OR2C1: variants seen among roughly 807,000 people sequenced by gnomAD.
OR2C1 encodes the protein olfactory receptor family 2 subfamily C member 1.
For missense variants in OR2C1, 468 were observed against 388.3 expected (o/e 1.21, Z -1.73); for synonymous variants, 209 against 167.3 (o/e 1.25, Z -1.92).
chr16:3,355,290 G>A (rs1250666212), upstream of OR2C1, among the ~76,000 whole-genome samples: 8 of 150,688 alleles, frequency 5.3e-5, no homozygotes, highest in Non-Finnish European at 8.9e-5. Flanking sequence ...GTGAAACCCC[G>A]TCTCTACTAA....
chr16:3,330,189 C>A, the OR2C1 span, among the ~76,000 whole-genome samples: 1 of 150,670 alleles, frequency 6.6e-6, no homozygotes, highest in South Asian at 2.1e-4. Flanking sequence ...CCACTGCAAG[C>A]TCTGCCTTCC....
chr16:3,354,734 C>G (rs1042332788), upstream of OR2C1, among the ~76,000 whole-genome samples: 1 of 152,116 alleles, frequency 6.6e-6, no homozygotes, highest in African/African-American at 2.4e-5. Context: ...TGCTTCCCCC[C>G]TTCCCTGAGC....
the OR2C1 span, among the ~76,000 whole-genome samples, chr16:3,331,886 C>G: frequency 6.6e-6 from 1 of 151,478 alleles, no homozygotes; most frequent in Admixed American, 6.6e-5. Flanking sequence ...CCATGGAATA[C>G]TATGCAGCCA....
the OR2C1 span, among the ~76,000 whole-genome samples, chr16:3,334,272 G>C: frequency 6.6e-6 from 1 of 151,510 alleles, no homozygotes. Flanking sequence ...CGAGTAGCTG[G>C]GACGACAGGC....
At chr16:3,335,520 C>CTTTTTTTT in the OR2C1 span, among the ~76,000 whole-genome samples, 45 of 55,444 alleles carry the variant, frequency 8.1e-4, no homozygotes, top group Non-Finnish European at 1.0e-3. Context: ...AATGCTACTG[C>CTTTTTTTT]TTTTTTTTTT....
At chr16:3,355,418 A>G (rs1055440056), upstream of OR2C1, among the ~76,000 whole-genome samples, 4 of 128,992 alleles carry the variant, frequency 3.1e-5, no homozygotes, top group African/African-American at 1.1e-4. Flanking sequence ...AGATTGCACC[A>G]CTGCACTCCA....
chr16:3,326,316 G>C, the OR2C1 span, among the ~76,000 whole-genome samples: 1 of 151,818 alleles, frequency 6.6e-6, no homozygotes, highest in East Asian at 1.9e-4. Flanking sequence ...CTTTCTTTCG[G>C]AAGTAAATAC....
the OR2C1 span, among the ~76,000 whole-genome samples, chr16:3,346,624 C>CTTTTTT: frequency 1.3e-4 from 17 of 128,052 alleles, no homozygotes; most frequent in Admixed American, 1.7e-4. Flanking sequence ...GTCCATGCAT[C>CTTTTTT]TTTTTTTTTT....
the OR2C1 span, among the ~76,000 whole-genome samples, chr16:3,344,254 TAAAC>T: frequency 3.3e-5 from 5 of 151,182 alleles, no homozygotes; most frequent in African/African-American, 1.2e-4. Flanking sequence ...CTATTATAAA[TAAAC>T]AAGAAAAACA....
chr16:3,340,812 T>C, the OR2C1 span, among the ~76,000 whole-genome samples: 2 of 152,224 alleles, frequency 1.3e-5, no homozygotes, highest in African/African-American at 4.8e-5. Context: ...CAGTAGTTTA[T>C]GTATCTGTTC....
At chr16:3,342,044 G>C in the OR2C1 span, among the ~76,000 whole-genome samples, 3 of 152,116 alleles carry the variant, frequency 2.0e-5, no homozygotes, top group African/African-American at 2.4e-5. Context: ...AAATATACCA[G>C]ATGTCCTTTT....
At position 3,356,924 on chromosome 16, in the gene OR2C1, G is replaced by C; in HGVS notation, c.*45G>C. The C allele has an allele frequency of 1.4e-6, 2 of 1,424,292 alleles. No individual in the cohort carries two copies. The highest frequency in any genetic ancestry group is 1.9e-6 in the Non-Finnish European group (2 of 1,061,416). 88.2% of individuals were successfully genotyped at this position (1,424,292 alleles called of 1,614,324 possible). On this transcript the variant is annotated 3_prime_UTR_variant, in exon 1 of 1. Transcript: ENST00000304936. The stretch of plus-strand genomic sequence containing the variant: ...TTATTGCGTCTTCATCTCTACATGC[G>C]TTTCTCATTAACTCTCTCTGGCCAG...
chr16:3,330,156 G>T, the OR2C1 span, among the ~76,000 whole-genome samples: 1 of 152,050 alleles, frequency 6.6e-6, no homozygotes, highest in Admixed American at 6.6e-5. Context: ...GCCCAGGCTG[G>T]AGTGCAGTGG....
chr16:3,356,624 C>G lies in OR2C1; in HGVS notation c.684C>G (p.Ile228Met), dbSNP rs143337951. 1 of 1,614,156 alleles carries G rather than the reference C, an allele frequency of 6.2e-7. No individual in the cohort carries two copies. The highest frequency in any genetic ancestry group is 8.5e-7 in the Non-Finnish European group (1 of 1,180,014). ...YCLIAQAVLK[I>M]RSAEGRRKAF... ...TCATTGCTCAGGCAGTGCTGAAAAT[C>G]CGCTCTGCAGAGGGGAGGCGAAAGG... The change falls in exon 1 of 1, where the codon ATC becomes ATG. Residue 228 changes from isoleucine (I) to methionine (M), a missense_variant. Transcript: ENST00000304936.
the OR2C1 span, among the ~76,000 whole-genome samples, chr16:3,333,582 G>A: frequency 1.3e-5 from 2 of 152,050 alleles, no homozygotes; most frequent in African/African-American, 4.8e-5. Flanking sequence ...TGATCCGCCC[G>A]GCTCGGCCTC....
chr16:3,335,200 C>T, the OR2C1 span, among the ~76,000 whole-genome samples: 3 of 152,214 alleles, frequency 2.0e-5, no homozygotes, highest in South Asian at 2.1e-4. Context: ...ATTTTCTTTT[C>T]TTATTTCTGT....
chr16:3,334,888 G>A, the OR2C1 span, among the ~76,000 whole-genome samples: 6 of 151,462 alleles, frequency 4.0e-5, no homozygotes, highest in East Asian at 2.0e-4. Context: ...GCTTGATCTC[G>A]GCTCACTGCA....
chr16:3,333,056 T>G, the OR2C1 span, among the ~76,000 whole-genome samples: 1 of 152,098 alleles, frequency 6.6e-6, no homozygotes, highest in Non-Finnish European at 1.5e-5. Context: ...TTCTGTCTTT[T>G]TAAATTAAAG....
chr16:3,325,452 T>C, the OR2C1 span, among the ~76,000 whole-genome samples: 2 of 131,644 alleles, frequency 1.5e-5, no homozygotes, highest in East Asian at 4.3e-4. Context: ...AATTGCATTA[T>C]GTCTAAAAAT....
Sources: allele counts gnomAD v4.1 joint callset (sites outside exome capture counted in the v4.1 genomes callset), GRCh38; gene constraint gnomAD v4.1.1; transcripts MANE v1.5; gene names NCBI Gene and HGNC (gene_info 2026-07-23, HGNC 2026-07-21).